The following PRDM16 variants were observed in gnomAD, a reference collection of about 807,000 sequenced individuals.
PRDM16 encodes the protein histone-lysine N-methyltransferase PRDM16.
In PRDM16, 23 loss-of-function variants were observed where a neutral mutation model predicts 110.6. The ratio of observed to expected loss-of-function variants is 0.21; its 90% CI spans 0.15 to 0.29. The LOEUF is 0.29. Ranked by LOEUF, PRDM16 falls within the 10% of genes least tolerant of loss-of-function variation. PRDM16 has a pLI of 1.00. For synonymous variants in PRDM16, 799 were observed against 781.8 expected (o/e 1.02, Z -0.37); for missense variants, 1,615 against 1,794.3 (o/e 0.90, Z 1.81).
At chr1:3,236,413 G>GT (rs1639541824) in intron 2 of PRDM16, among the ~76,000 whole-genome samples, 1 of 152,198 alleles carries the variant, frequency 6.6e-6, no homozygotes, top group Non-Finnish European at 1.5e-5. Flanking sequence ...TATGCTAATG[G>GT]CCTGGGGGGG....
At chr1:3,311,143 G>A (rs1046342240) in intron 3 of PRDM16, among the ~76,000 whole-genome samples, 3 of 152,200 alleles carry the variant, frequency 2.0e-5, no homozygotes, top group Admixed American at 6.5e-5. Context: ...TTAACCCGCC[G>A]AGGGCTGATG....
chr1:3,216,719 A>G (rs905800659), intron 2 of PRDM16, among the ~76,000 whole-genome samples: 1 of 152,228 alleles, frequency 6.6e-6, no homozygotes, highest in African/African-American at 2.4e-5. Context: ...ACGAAATCAG[A>G]GAGTCTAGGC....
At chr1:3,337,790 C>T (rs1408483560) in intron 3 of PRDM16, among the ~76,000 whole-genome samples, 1 of 152,178 alleles carries the variant, frequency 6.6e-6, no homozygotes, top group Non-Finnish European at 1.5e-5. Context: ...ATTTCCACCC[C>T]TCGCCCTGGT....
chr1:3,169,141 T>G (rs1277327219), intron 1 of PRDM16, among the ~76,000 whole-genome samples: 8 of 152,200 alleles, frequency 5.3e-5, no homozygotes, highest in Non-Finnish European at 8.8e-5. Flanking sequence ...CTGGACACTT[T>G]CTGAGCCTCA....
intron 3 of PRDM16, among the ~76,000 whole-genome samples, chr1:3,299,604 T>C (rs79541153): frequency 7.9e-5 from 9 of 113,898 alleles, no homozygotes; most frequent in African/African-American, 1.0e-4. Context: ...GTGCTGTGGC[T>C]GTGATGTTTC....
intron 3 of PRDM16, among the ~76,000 whole-genome samples, chr1:3,329,795 G>A (rs1224965813): frequency 6.6e-6 from 1 of 152,252 alleles, no homozygotes; most frequent in African/African-American, 2.4e-5. Context: ...GCCTGGGAGA[G>A]GCCCCCACTG....
intron 1 of PRDM16, among the ~76,000 whole-genome samples, chr1:3,109,600 T>C (rs371204593): frequency 1.3e-5 from 2 of 152,228 alleles, no homozygotes; most frequent in South Asian, 4.1e-4. Context: ...CGAGGACTAA[T>C]TGAGCAGCCC....
intron 8 of PRDM16, among the ~76,000 whole-genome samples, chr1:3,411,088 G>A (rs1440316415): frequency 2.6e-5 from 4 of 152,116 alleles, no homozygotes. Context: ...GTGTGCACAC[G>A]TGTGCACACT....
intron 3 of PRDM16, among the ~76,000 whole-genome samples, chr1:3,373,195 G>A (rs545723444): frequency 3.3e-5 from 5 of 152,232 alleles, no homozygotes; most frequent in Admixed American, 6.5e-5. Context: ...TTCTGCATGC[G>A]AGCTCCACGG....
intron 3 of PRDM16, among the ~76,000 whole-genome samples, chr1:3,333,226 A>G (rs1642079258): frequency 6.6e-6 from 1 of 152,162 alleles, no homozygotes; most frequent in East Asian, 1.9e-4. Context: ...TGCATCAGAC[A>G]CAGGGAGGCC....
At chr1:3,077,705 C>G (rs1641931103) in intron 1 of PRDM16, among the ~76,000 whole-genome samples, 1 of 152,132 alleles carries the variant, frequency 6.6e-6, no homozygotes, top group Non-Finnish European at 1.5e-5. Flanking sequence ...TCAGCCTCAG[C>G]CTTTGTGGGT....
At chr1:3,192,953 G>A (rs927070639) in intron 2 of PRDM16, among the ~76,000 whole-genome samples, 8 of 152,188 alleles carry the variant, frequency 5.3e-5, no homozygotes, top group African/African-American at 1.4e-4. Context: ...GCAATTGAGC[G>A]AGATCCCTGG....
Position 3,408,485 on chromosome 1 carries a change from AGT to A in PRDM16, c.1186+2843_1186+2844del, listed in dbSNP as rs374801344. On this transcript the variant is annotated intron_variant, in intron 8 of 16. Transcript: ENST00000270722. ...GCTTTAATAAGTATGCACGTGTGAG[AGT>A]GTGTGAGTGTGGGCGCGTGCACCGG... Among the ~76,000 whole-genome samples, 14 of 152,070 alleles carry A rather than the reference AGT, an allele frequency of 9.2e-5. No individual in the cohort carries two copies. The South Asian group carries it at 1.3e-3, about 14-fold the overall frequency.
intron 3 of PRDM16, among the ~76,000 whole-genome samples, chr1:3,334,594 A>G (rs2100495696): frequency 6.6e-6 from 1 of 152,212 alleles, no homozygotes; most frequent in Non-Finnish European, 1.5e-5. Flanking sequence ...AATGGCCACA[A>G]TGCCTGCCTT....
At chr1:3,105,270 C>T (rs577500143) in intron 1 of PRDM16, among the ~76,000 whole-genome samples, 4 of 152,292 alleles carry the variant, frequency 2.6e-5, no homozygotes, top group African/African-American at 9.6e-5. Context: ...AACTTGAGGG[C>T]CCAGCCCGGC....
intron 3 of PRDM16, among the ~76,000 whole-genome samples, chr1:3,375,637 G>A (rs1178775504): frequency 6.6e-6 from 1 of 152,262 alleles, no homozygotes; most frequent in Non-Finnish European, 1.5e-5. Flanking sequence ...CACTCCTGTG[G>A]CAGGGGGCAC....
At position 3,425,921 on chromosome 1, in the gene PRDM16, G is replaced by T. The variant is rs140365905; in HGVS notation, c.3110-130G>T. ...CCGTGGTCATTAAAGAGAACCTCGT[G>T]CTCTCCGGTGTCCCTAAGAAACCTG... On this transcript the variant is annotated intron_variant, in intron 13 of 16. Transcript: ENST00000270722. This position sits in a 1 kb window ranked among gnomAD's most constrained non-coding sequence, Gnocchi z 6.9. 342 of 1,250,658 alleles carry T rather than the reference G, an allele frequency of 2.7e-4. 2 individuals are homozygous for T. The African/African-American group carries it at 4.6e-3, about 17-fold the overall frequency. The allele number at this position is 1,250,658 out of a possible 1,614,324, so 77.5% of individuals were successfully genotyped here.
At chr1:3,273,976 TAA>T (rs927412647) in intron 3 of PRDM16, among the ~76,000 whole-genome samples, 61 of 68,538 alleles carry the variant, frequency 8.9e-4, no homozygotes, top group Middle Eastern at 8.6e-3. Context: ...TATGGGGAGG[TAA>T]AAAAAAAAAA....
chr1:3,114,526 G>A (rs182251005), intron 1 of PRDM16, among the ~76,000 whole-genome samples: 41 of 150,798 alleles, frequency 2.7e-4, no homozygotes, highest in East Asian at 2.0e-3. Context: ...ATGAACACAC[G>A]CACACATGCA....
Sources: gnomAD v4.1 joint callset for allele counts (sites outside exome capture counted in the v4.1 genomes callset) on GRCh38, gnomAD v4.1.1 for gene constraint, Gnocchi (gnomAD v3.1) non-coding constraint, MANE v1.5 for transcripts, NCBI Gene and HGNC (gene_info 2026-07-23, HGNC 2026-07-21) for gene names.